The following AGAP1 variants were observed in gnomAD, a reference collection of about 807,000 sequenced individuals.
The protein encoded by AGAP1 is ArfGAP with GTPase domain, ankyrin repeat and PH domain 1.
Under a neutral mutation model 105.3 loss-of-function variants are expected in AGAP1, and 29 were observed. The ratio of observed to expected loss-of-function variants is 0.28; its 90% CI spans 0.21 to 0.38. The LOEUF (loss-of-function observed/expected upper bound fraction) is 0.38, where lower values mean the gene tolerates loss of function less well. AGAP1 is among the 10% of genes least tolerant of loss of function. The probability of loss-of-function intolerance (pLI) is 1.00; values close to 1 mark genes in which losing one functional copy is unlikely to be tolerated. For missense variants in AGAP1, 998 were observed against 1,165.1 expected, an observed-to-expected ratio of 0.86 and a Z score of 2.09; for synonymous variants, 509 against 485.9, an observed-to-expected ratio of 1.05 and a Z score of -0.63.
intron 7 of AGAP1, among the ~76,000 whole-genome samples, chr2:235,798,476 T>G (rs1315938663): frequency 2.0e-5 from 3 of 152,198 alleles, no homozygotes; most frequent in Non-Finnish European, 4.4e-5. Flanking sequence ...CTATTGGCAC[T>G]GTTTTTTTAA....
At position 235,787,506 on chromosome 2, in the gene AGAP1, A is replaced by G. The variant is rs1395372499; in HGVS notation, c.674-10253A>G. 1.3e-5 allele frequency among the ~76,000 whole-genome samples: 2 copies of G among 152,158 alleles called. No homozygotes were observed. Among genetic ancestry groups the G allele is most frequent in the African/African-American group, 4.8e-5 (2 of 41,424 alleles). On this transcript the variant is annotated intron_variant, in intron 6 of 17. Coordinates refer to ENST00000304032, the MANE Select transcript of AGAP1 (RefSeq NM_001037131.3). The surrounding 1 kb of genome is among the most constrained non-coding windows in gnomAD (Gnocchi z 4.4). ...ACATTGGGAGAGAAAGGTGCAGACA[A>G]GGTGTGCAGGAGGTGGATGTGATGT...
At chr2:235,803,807 C>T (rs936077271) in intron 8 of AGAP1, among the ~76,000 whole-genome samples, 12 of 152,222 alleles carry the variant, frequency 7.9e-5, no homozygotes, top group African/African-American at 1.4e-4. Context: ...GTTACATTTG[C>T]AGTAGGAATT....
chr2:235,667,233 C>A (rs1948155634), intron 1 of AGAP1, among the ~76,000 whole-genome samples: 1 of 152,124 alleles, frequency 6.6e-6, no homozygotes, highest in South Asian at 2.1e-4. Flanking sequence ...GAGGACAGAA[C>A]CCCTGCGTTG....
At position 235,976,293 on chromosome 2, in the gene AGAP1, T is replaced by A. The variant is rs2054854441; in HGVS notation, c.1645+7670T>A. ...GAACTTGCTGAAATTGAGTAGATCA[T>A]CTGGGTTTACTCTAGACATTGACAT... On this transcript the variant is annotated intron_variant, in intron 13 of 17. Coordinates refer to ENST00000304032, the MANE Select transcript of AGAP1 (RefSeq NM_001037131.3). The surrounding 1 kb of genome is among the most constrained non-coding windows in gnomAD (Gnocchi z 4.5). 6.6e-6 allele frequency among the ~76,000 whole-genome samples: 1 copy of A among 152,160 alleles called. No homozygotes were observed. Among genetic ancestry groups the A allele is most frequent in the Non-Finnish European group, 1.5e-5 (1 of 68,036 alleles).
chr2:236,068,999 T>C (rs2058426209), intron 16 of AGAP1, among the ~76,000 whole-genome samples: 1 of 150,836 alleles, frequency 6.6e-6, no homozygotes, highest in Non-Finnish European at 1.5e-5. Flanking sequence ...TGGTGGTGCA[T>C]GCCTGTAATC....
In AGAP1 at chr2:235,792,298, C is replaced by T. The variant is rs1242221535; in HGVS notation, c.674-5461C>T. 6.6e-6 allele frequency among the ~76,000 whole-genome samples: 1 copy of T among 152,172 alleles called. No individual in the cohort carries two copies. Among genetic ancestry groups the T allele is most frequent in the African/African-American group, 2.4e-5 (1 of 41,446 alleles). On this transcript the variant is annotated intron_variant, in intron 6 of 17. Coordinates refer to ENST00000304032, the MANE Select transcript of AGAP1 (RefSeq NM_001037131.3). The surrounding 1 kb of genome is among the most constrained non-coding windows in gnomAD (Gnocchi z 5.3). ...CCACTTTTCCCCACCCTTCACGTGT[C>T]ATCTGGTCCCCCACAAAGCTTTTGC...
At chr2:235,759,764 A>G (rs1301091989) in intron 6 of AGAP1, among the ~76,000 whole-genome samples, 2 of 151,962 alleles carry the variant, frequency 1.3e-5, no homozygotes, top group East Asian at 3.9e-4. Flanking sequence ...GACATTGTCA[A>G]CTCCTTTCTT....
chr2:235,656,035 A>G (rs2149331477), intron 1 of AGAP1, among the ~76,000 whole-genome samples: 1 of 152,350 alleles, frequency 6.6e-6, no homozygotes, highest in Middle Eastern at 3.4e-3. Flanking sequence ...GAAGCAGTCC[A>G]TCGCACGTTT....
At chr2:236,112,141 C>T (rs534456114) in intron 16 of AGAP1, among the ~76,000 whole-genome samples, 6 of 152,120 alleles carry the variant, frequency 3.9e-5, no homozygotes, top group African/African-American at 1.2e-4. Context: ...GGAGGCCAGG[C>T]GTGGTGGCTC....
intron 1 of AGAP1, among the ~76,000 whole-genome samples, chr2:235,685,966 A>G (rs1949360751): frequency 6.6e-6 from 1 of 152,174 alleles, no homozygotes; most frequent in South Asian, 2.1e-4. Flanking sequence ...GGCTTCTGAC[A>G]TTCTTTTGAG....
At position 236,036,550 on chromosome 2, in the gene AGAP1, CTG is replaced by C; in HGVS notation, c.1646-7_1646-6del. The C allele has an allele frequency of 6.2e-7, 1 of 1,613,732 alleles. No homozygotes were observed. Among genetic ancestry groups the C allele is most frequent in the Non-Finnish European group, 8.5e-7 (1 of 1,179,750 alleles). On this transcript the variant is annotated splice_polypyrimidine_tract_variant and intron_variant, in intron 13 of 17. Coordinates refer to ENST00000304032, the MANE Select transcript of AGAP1 (RefSeq NM_001037131.3). The surrounding 1 kb of genome is among the most constrained non-coding windows in gnomAD (Gnocchi z 5.7). ...AAAGCTAAACTCTTCATCCCACACT[CTG>C]TGTTTCAGAACAAGAAGAAAATTTT...
chr2:235,726,430 G>A (rs1424378250), intron 3 of AGAP1, among the ~76,000 whole-genome samples: 3 of 152,172 alleles, frequency 2.0e-5, no homozygotes, highest in Non-Finnish European at 2.9e-5. Flanking sequence ...AAAGTTTCAC[G>A]TATGTAATTA....
At chr2:236,006,561 A>AGT (rs1371733631) in intron 13 of AGAP1, among the ~76,000 whole-genome samples, 11 of 152,244 alleles carry the variant, frequency 7.2e-5, no homozygotes, top group Admixed American at 7.2e-4. Flanking sequence ...GAAATAACTA[A>AGT]GTGTTTTAAC....
rs1249836612 is a variant in AGAP1 at position 236,040,469 on chromosome 2, T to G, written c.1801-282T>G. Reference sequence around the variant, plus strand: ...CCAGGTTACCATGGTCCATGCGTATTCACAGATGATCCAGAACTCTCCTCT... The same window carrying G: ...CCAGGTTACCATGGTCCATGCGTATGCACAGATGATCCAGAACTCTCCTCT... On this transcript the variant is annotated intron_variant, in intron 14 of 17. Transcript: ENST00000304032. The surrounding 1 kb of genome is among the most constrained non-coding windows in gnomAD (Gnocchi z 5.6). 5.8e-6 allele frequency: 3 copies of G among 513,270 alleles called. No homozygotes were observed. Among genetic ancestry groups the G allele is most frequent in the African/African-American group, 5.7e-5 (3 of 52,216 alleles). 31.8% of individuals were successfully genotyped at this position (513,270 alleles called of 1,614,324 possible). A position where few individuals can be genotyped will look rare whatever the true frequency, so the allele number is the denominator to read the frequency against.
chr2:235,940,299 A>G (rs1485454273), intron 12 of AGAP1, among the ~76,000 whole-genome samples: 1 of 151,948 alleles, frequency 6.6e-6, no homozygotes, highest in Non-Finnish European at 1.5e-5. Flanking sequence ...TACTTCCCAA[A>G]AGTCCTCTCT....
At chr2:235,711,000 G>GCTCT (rs1209468427) in intron 2 of AGAP1, among the ~76,000 whole-genome samples, 1 of 152,236 alleles carries the variant, frequency 6.6e-6, no homozygotes, top group Non-Finnish European at 1.5e-5. Context: ...GAGGCTCAGA[G>GCTCT]ACATGAAGAA....
intron 1 of AGAP1, among the ~76,000 whole-genome samples, chr2:235,546,491 GC>G (rs781392577): frequency 1.3e-5 from 2 of 152,162 alleles, no homozygotes; most frequent in Non-Finnish European, 2.9e-5. Context: ...CCAGAGCTGT[GC>G]CTGGGACCCG....
chr2:236,117,331 A>G (rs2059794895), intron 16 of AGAP1, among the ~76,000 whole-genome samples: 1 of 152,186 alleles, frequency 6.6e-6, no homozygotes, highest in Non-Finnish European at 1.5e-5. Flanking sequence ...GCTGATTTTT[A>G]AAAGTAAAGA....
At chr2:236,099,965 G>C (rs377431007) in intron 16 of AGAP1, among the ~76,000 whole-genome samples, 2 of 151,890 alleles carry the variant, frequency 1.3e-5, no homozygotes, top group Non-Finnish European at 2.9e-5. Flanking sequence ...GGTTGAACCC[G>C]GGAGGCAGAG....
Sources: gnomAD v4.1 joint callset for allele counts (sites outside exome capture counted in the v4.1 genomes callset) on GRCh38, gnomAD v4.1.1 for gene constraint, Gnocchi (gnomAD v3.1) non-coding constraint, MANE v1.5 for transcripts, NCBI Gene and HGNC (gene_info 2026-07-23, HGNC 2026-07-21) for gene names.